The following LPA variants were observed in gnomAD, a reference collection of about 807,000 sequenced individuals.
LPA encodes the protein lipoprotein(a).
Under a neutral mutation model 197.9 loss-of-function variants are expected in LPA, and 199 were observed. The ratio of observed to expected loss-of-function variants is 1.01; its 90% CI spans 0.90 to 1.13. The LOEUF is 1.13. Among genes scored for constraint, LPA ranks in the 50% most tolerant of loss-of-function variants. LPA has a pLI of 0.00. For synonymous variants in LPA, 715 were observed against 639.5 expected, an observed-to-expected ratio of 1.12 and a Z score of -1.78; for missense variants, 1,853 against 1,785.8, an observed-to-expected ratio of 1.04 and a Z score of -0.68.
chr6:160,651,088 G>A (rs1245222626), intron 1 of LPA, among the ~76,000 whole-genome samples: 2 of 152,126 alleles, frequency 1.3e-5, no homozygotes, highest in African/African-American at 2.4e-5. Context: ...TTGCAACATA[G>A]CAGACGTCTG....
chr6:160,591,087 T>C lies in LPA; in HGVS notation c.3644A>G (p.Asn1215Ser). ...CTCAGCATCTGGATTCCTGCAGTAGTTCCTGGTCAGGCCACTGCAAATTAC... is the reference window on the plus strand; with the variant it reads ...CTCAGCATCTGGATTCCTGCAGTAGCTCCTGGTCAGGCCACTGCAAATTAC... The part of the protein sequence containing the change: ...EYYPNGGLTR[N>S]YCRNPDAEIS... The change falls in exon 23 of 39, where the codon AAC (asparagine) becomes AGC (serine). Residue 1215 changes from asparagine to serine, a missense_variant. By Grantham distance (46) the Asn-to-Ser change is conservative. Around this residue, in one of 3 missense-constraint regions of LPA, gnomAD observed 1,737 missense variants for 1,504.4 expected, o/e 1.15. Coordinates refer to ENST00000316300, the MANE Select transcript of LPA (RefSeq NM_005577.4). 6.2e-7 allele frequency: 1 copy of C among 1,613,672 alleles called. No homozygotes were observed. The highest frequency in any genetic ancestry group is 1.1e-5 in the South Asian group (1 of 91,064).
At chr6:160,595,880 A>C (rs1779123243) in intron 20 of LPA, among the ~76,000 whole-genome samples, 1 of 152,228 alleles carries the variant, frequency 6.6e-6, no homozygotes, top group Non-Finnish European at 1.5e-5. Context: ...AATGTTGTAC[A>C]ATGTACAAGA....
chr6:160,580,334 T>C (rs1778769451), intron 26 of LPA, among the ~76,000 whole-genome samples: 1 of 152,246 alleles, frequency 6.6e-6, no homozygotes, highest in East Asian at 1.9e-4. Flanking sequence ...GAAATAGTTT[T>C]TATTTTGAGT....
chr6:160,542,895 T>C, intron 33 of LPA, 87 bp from the exon 34 acceptor site: 2 of 1,561,492 alleles, frequency 1.3e-6, no homozygotes, highest in Non-Finnish European at 8.8e-7. Context: ...CAAGCACTAG[T>C]TTTTCACATC....
chr6:160,590,406 A>G (rs112928234), intron 23 of LPA, among the ~76,000 whole-genome samples: 112 of 152,260 alleles, frequency 7.4e-4, no homozygotes, highest in African/African-American at 2.5e-3. Context: ...GGTGTGCAGC[A>G]CCTGCCTAAG....
In LPA at chr6:160,601,109, C is replaced by CA. The variant is rs1779233179; in HGVS notation, c.2946-12dup. 1 of 1,613,782 alleles carries CA rather than the reference C, an allele frequency of 6.2e-7. No individual in the cohort carries two copies. Among genetic ancestry groups the CA allele is most frequent in the Non-Finnish European group, 8.5e-7 (1 of 1,179,774 alleles). Reference sequence around the variant, plus strand: ...TTCTTGATCAAGCCACTGGAAATTCCAAAAGAATACACATCACAAAAAATG... The same window carrying CA: ...TTCTTGATCAAGCCACTGGAAATTCCAAAAAGAATACACATCACAAAAAATG... On this transcript the variant is annotated splice_polypyrimidine_tract_variant and intron_variant, in intron 18 of 38. Coordinates refer to ENST00000316300, the MANE Select transcript of LPA (RefSeq NM_005577.4).
At chr6:160,572,048 G>A (rs546015836) in intron 28 of LPA, among the ~76,000 whole-genome samples, 24 of 152,350 alleles carry the variant, frequency 1.6e-4, no homozygotes, top group South Asian at 2.1e-4. Flanking sequence ...TGCAAAGACC[G>A]TGGGAAAAGC....
chr6:160,561,348 G>T (rs1234821781), intron 28 of LPA, among the ~76,000 whole-genome samples: 1 of 152,060 alleles, frequency 6.6e-6, no homozygotes, highest in Non-Finnish European at 1.5e-5. Flanking sequence ...GCTTATTTTT[G>T]TCCAGTTTGT....
chr6:160,560,916 G>A lies in LPA; in HGVS notation c.4632-3345C>T, dbSNP rs1340980820. 4.0e-5 allele frequency among the ~76,000 whole-genome samples: 6 copies of A among 151,868 alleles called. No individual in the cohort carries two copies. The East Asian group carries it at 1.2e-3, about 29-fold the overall frequency. ...TTCTAGGGTTTGATTTTTTGTTTTT[G>A]TTTTTGTTTTTTTGATGGAGTCTCA... On this transcript the variant is annotated intron_variant, in intron 28 of 38. Transcript: ENST00000316300.
chr6:160,607,566 T>A (rs1779385390), intron 16 of LPA, among the ~76,000 whole-genome samples: 1 of 152,118 alleles, frequency 6.6e-6, no homozygotes. Flanking sequence ...GCTGCGGGGA[T>A]CTTGAAGCAT....
chr6:160,547,996 C>A, intron 31 of LPA, 59 bp from the exon 32 acceptor site: 6 of 1,567,066 alleles, frequency 3.8e-6, no homozygotes, highest in South Asian at 3.3e-5. Flanking sequence ...GCCACATAGA[C>A]CCAGGACGAT....
chr6:160,605,224 A>G lies in LPA; in HGVS notation c.2786-19T>C, dbSNP rs746241239. 3 of 1,612,290 alleles carry G rather than the reference A, an allele frequency of 1.9e-6. No homozygotes were observed. The highest frequency in any genetic ancestry group is 1.7e-6 in the Non-Finnish European group (2 of 1,179,666). ...GTTGGTGCTGAAATGAAAAGAAAAG[A>G]AATCAAACTGAGTGTTTCCAAGAAG... is the stretch of plus-strand genomic sequence containing the variant. On this transcript the variant is annotated intron_variant, in intron 17 of 38. Coordinates refer to ENST00000316300, the MANE Select transcript of LPA (RefSeq NM_005577.4).
chr6:160,563,346 G>T lies in LPA; in HGVS notation c.4632-5775C>A, dbSNP rs143980247. Among the ~76,000 whole-genome samples the T allele has an allele frequency of 6.2e-4, 94 of 152,276 alleles. 1 individual carries two copies. Among genetic ancestry groups the T allele is most frequent in the African/African-American group, 2.2e-3 (91 of 41,568 alleles). On this transcript the variant is annotated intron_variant, in intron 28 of 38. Transcript: ENST00000316300. ...TTTACCCAGTAGTAATTCAGGAGCA[G>T]GTTGTTCAGTTTCCATATAGTTGTG...
At chr6:160,565,267 C>T (rs556404111) in intron 28 of LPA, among the ~76,000 whole-genome samples, 35 of 152,298 alleles carry the variant, frequency 2.3e-4, no homozygotes, top group African/African-American at 7.2e-4. Flanking sequence ...CTGGGGGACA[C>T]CTCCCAGTAG....
chr6:160,655,917 G>T (rs1451263253), intron 1 of LPA, among the ~76,000 whole-genome samples: 1 of 152,206 alleles, frequency 6.6e-6, no homozygotes, highest in Admixed American at 6.5e-5. Flanking sequence ...GGGTGGTAAA[G>T]GTATAATGCT....
At chr6:160,604,325 CCT>C in intron 18 of LPA, among the ~76,000 whole-genome samples, 1 of 152,132 alleles carries the variant, frequency 6.6e-6, no homozygotes, top group Admixed American at 6.5e-5. Context: ...CATTGTTCCC[CCT>C]GTCACTATTC....
rs1562340966 is a variant in LPA at position 160,605,052 on chromosome 6, G to A, written c.2939C>T (p.Pro980Leu). The A allele has an allele frequency of 6.2e-7, 1 of 1,613,672 alleles. No homozygotes were observed. Residue 980 changes from proline to leucine, a missense_variant, in exon 18 of 39, where the codon CCA becomes CTA. By Grantham distance (98) the Pro-to-Leu change is moderately conservative (BLOSUM62 -3). Coordinates refer to ENST00000316300, the MANE Select transcript of LPA (RefSeq NM_005577.4). ...GTAAAGAAAATAGACATACGCATTT[G>A]GGTAGTATGCTGGGGTCCGACTATG... ...HSHSRTPAYY[P>L]NAGLIKNYCR...
At chr6:160,589,322 C>A (rs7450411) in intron 24 of LPA, among the ~76,000 whole-genome samples, 29,370 of 152,130 alleles carry the variant, frequency 0.19, 3,172 homozygotes, top group East Asian at 0.4. Flanking sequence ...ATTCATGAGA[C>A]CTCACCACCT....
intron 19 of LPA, 133 bp from the exon 20 acceptor site, chr6:160,599,792 T>C: frequency 1.1e-6 from 1 of 938,760 alleles, no homozygotes; most frequent in Non-Finnish European, 1.6e-6. Context: ...AATAGGCAAA[T>C]GGACATGAGA....
Sources: allele counts gnomAD v4.1 joint callset (sites outside exome capture counted in the v4.1 genomes callset), GRCh38; gene constraint gnomAD v4.1.1; regional missense constraint gnomAD v4.1.1; transcripts MANE v1.5; gene names NCBI Gene and HGNC (gene_info 2026-07-23, HGNC 2026-07-21).